Variants in MTMR4 observed in about 807,000 individuals in gnomAD.
The protein encoded by MTMR4 is myotubularin related protein 4.
MTMR4 carries 30 observed loss-of-function variants against 125.5 expected under a neutral mutation model. The observed-to-expected ratio is 0.24, with a 90% CI of 0.18 to 0.32. MTMR4 has a LOEUF of 0.32. MTMR4 is among the 10% of genes least tolerant of loss of function. The probability of loss-of-function intolerance (pLI) is 1.00; values close to 1 mark genes in which losing one functional copy is unlikely to be tolerated. For missense variants in MTMR4, 1,039 were observed against 1,511.5 expected (o/e 0.69, Z 5.18); for synonymous variants, 498 against 564.5 (o/e 0.88, Z 1.67).
rs1223197456 is a variant in MTMR4 at position 58,508,265 on chromosome 17, G to T, written c.603C>A (p.Pro201=). 6.2e-7 allele frequency: 1 copy of T among 1,613,982 alleles called. No individual in the cohort carries two copies. ...GAACCAGCAGCTTCTGGGGGTAACT[G>T]GGGCACAATCTGAGAAGAGACCAGG... ...SHINSNYKLC[P]SYPQKLLVPV... Residue 201 remains proline, a synonymous_variant, in exon 7 of 18, where the codon CCC becomes CCA. Transcript: ENST00000682306. This position sits in a 1 kb window ranked among gnomAD's most constrained non-coding sequence, Gnocchi z 4.8.
At position 58,512,363 on chromosome 17, in the gene MTMR4, G is replaced by A. The variant is rs757729833; in HGVS notation, c.252+27C>T. The A allele has an allele frequency of 2.1e-5, 32 of 1,528,294 alleles. 1 individual carries two copies. In the South Asian group the frequency reaches 3.6e-4, roughly 17 times the overall value. The allele number at this position is 1,528,294 out of a possible 1,614,324, so 94.7% of individuals were successfully genotyped here. A position where few individuals can be genotyped will look rare whatever the true frequency, so the allele number is the denominator to read the frequency against. On this transcript the variant is annotated intron_variant, in intron 3 of 17. Coordinates refer to ENST00000682306, the MANE Select transcript of MTMR4 (RefSeq NM_001378067.1). This position sits in a 1 kb window ranked among gnomAD's most constrained non-coding sequence, Gnocchi z 4.1. ...GAACTTCATAGGGATTCTAGCTTAG[G>A]GGTAGGAGAACAATACAGAAACTCA...
chr17:58,494,864 T>C (rs1975410848), intron 15 of MTMR4, 68 bp downstream of exon 15: 2 of 1,466,028 alleles, frequency 1.4e-6, no homozygotes, highest in South Asian at 2.5e-5. Context: ...AACGAATAAA[T>C]GCTGAATGGA....
At chr17:58,503,649 CA>C in intron 14 of MTMR4, 94 bp downstream of exon 14, 98 of 1,424,516 alleles carry the variant, frequency 6.9e-5, no homozygotes, top group Middle Eastern at 3.7e-4. Context: ...GATTCCGTCT[CA>C]AAAAAAAGAA....
In MTMR4 at chr17:58,504,395, C is replaced by G. The variant is rs925809763; in HGVS notation, c.1435G>C (p.Glu479Gln). The part of the protein sequence containing the change: ...GHQENVEDQN[E>Q]QCPVFLQWLD... ...CACTGGAGGAACACAGGGCATTGTT[C>G]GTTTTGGTCCTCCACATTCTCTTGG... Residue 479 changes from glutamate (E) to glutamine (Q), a missense_variant, in exon 12 of 18, where the codon GAA becomes CAA. By Grantham distance (29) the Glu-to-Gln change is conservative. Around this residue, in one of 6 missense-constraint regions of MTMR4, gnomAD observed 107 missense variants for 267.4 expected, o/e 0.40. Coordinates refer to ENST00000682306, the MANE Select transcript of MTMR4 (RefSeq NM_001378067.1). The surrounding 1 kb of genome is among the most constrained non-coding windows in gnomAD (Gnocchi z 7.1). The G allele has an allele frequency of 6.2e-7, 1 of 1,614,174 alleles. No individual in the cohort carries two copies. Among genetic ancestry groups the G allele is most frequent in the Non-Finnish European group, 8.5e-7 (1 of 1,180,030 alleles).
chr17:58,505,116 G>C (rs2240719), intron 10 of MTMR4, 142 bp from the exon 11 acceptor site: 148,111 of 752,082 alleles, frequency 0.2, 15,537 homozygotes, highest in Non-Finnish European at 0.21. Flanking sequence ...TTTTGGACAA[G>C]AGGTATCTAG....
In MTMR4 at chr17:58,492,900, T is replaced by G; in HGVS notation, c.3305A>C (p.His1102Pro). Reference sequence around the variant, plus strand: ...TGCTTCTGAAAGGCAGTCTTCACTGTGATCAGAGCCAAAATCCTCAGTATC... The same window carrying G: ...TGCTTCTGAAAGGCAGTCTTCACTGGGATCAGAGCCAAAATCCTCAGTATC... ...GSDTEDFGSDHSEDCLSEASW... is the reference protein window; with the variant it reads ...GSDTEDFGSDPSEDCLSEASW... The change falls in exon 16 of 18, where the codon CAC becomes CCC. Residue 1102 changes from histidine (H) to proline (P), a missense_variant. Around this residue, in one of 6 missense-constraint regions of MTMR4, gnomAD observed 619 missense variants for 714.5 expected, o/e 0.87. Transcript: ENST00000682306. 8.7e-6 allele frequency: 14 copies of G among 1,614,260 alleles called. No individual in the cohort carries two copies. The highest frequency in any genetic ancestry group is 1.2e-5 in the Non-Finnish European group (14 of 1,180,044).
intron 17 of MTMR4, 104 bp from the exon 18 acceptor site, chr17:58,491,944 T>C: frequency 9.5e-7 from 1 of 1,051,910 alleles, no homozygotes; most frequent in Non-Finnish European, 1.3e-6. Flanking sequence ...GCTGAGGCAG[T>C]AGAATCGCTT....
At position 58,491,897 on chromosome 17, in the gene MTMR4, A is replaced by G. The variant is rs2143831554; in HGVS notation, c.3453-57T>C. On this transcript the variant is annotated intron_variant, in intron 17 of 17. Coordinates refer to ENST00000682306, the MANE Select transcript of MTMR4 (RefSeq NM_001378067.1). ...AGAAATGCCAATATACTGGCCAGGCAGGGTGACTCACACCAGTAATCCCTG... is the reference window on the plus strand; with the variant it reads ...AGAAATGCCAATATACTGGCCAGGCGGGGTGACTCACACCAGTAATCCCTG... The G allele has an allele frequency of 3.9e-6, 6 of 1,545,584 alleles. 1 individual carries two copies. The South Asian group carries it at 6.0e-5, about 15-fold the overall frequency.
intron 15 of MTMR4, 123 bp from the exon 16 acceptor site, chr17:58,493,075 A>G (rs1410587269): frequency 2.9e-6 from 2 of 687,818 alleles, no homozygotes; most frequent in Admixed American, 5.1e-5. Context: ...CAGTCTTACA[A>G]TGTATACTAC....
In MTMR4 at chr17:58,495,294, C is replaced by A. The variant is rs1432519712; in HGVS notation, c.2890G>T (p.Gly964Trp). 1 of 1,614,106 alleles carries A rather than the reference C, an allele frequency of 6.2e-7. No individual in the cohort carries two copies. Among genetic ancestry groups the A allele is most frequent in the Non-Finnish European group, 8.5e-7 (1 of 1,180,052 alleles). ...CCTTCTCTCTGAGCCCACTGGCCCC[C>A]AAAGCAGGGCCCTGTGGCCCGCATC... ...KQMRATGPCFGGQWAQREGVK... is the reference protein window; with the variant it reads ...KQMRATGPCFWGQWAQREGVK... The change falls in exon 15 of 18, where the codon GGG (glycine) becomes TGG (tryptophan). Residue 964 changes from glycine (G) to tryptophan (W), a missense_variant. Physicochemically the swap from Gly to Trp is radical, Grantham distance 184. Coordinates refer to ENST00000682306, the MANE Select transcript of MTMR4 (RefSeq NM_001378067.1).
upstream of MTMR4, among the ~76,000 whole-genome samples, chr17:58,518,415 C>A (rs997253312): frequency 6.6e-6 from 1 of 152,224 alleles, no homozygotes; most frequent in Non-Finnish European, 1.5e-5. Flanking sequence ...GAAAAACCTG[C>A]AGGCTAAGAG....
rs1001197034 is a variant in MTMR4, at chr17:58,513,014, C to T, written c.46-73G>A. On this transcript the variant is annotated intron_variant, in intron 1 of 17. Coordinates refer to ENST00000682306, the MANE Select transcript of MTMR4 (RefSeq NM_001378067.1). ...CAGGCTCATTCTGCTCCTCTCCCCA[C>T]CAAGAAATCCACAGATACCCACACA... is the stretch of plus-strand genomic sequence containing the variant. The T allele has an allele frequency of 2.0e-5, 21 of 1,067,286 alleles. No individual in the cohort carries two copies. The African/African-American group carries it at 3.0e-4, about 15-fold the overall frequency. 66.1% of individuals were successfully genotyped at this position (1,067,286 alleles called of 1,614,324 possible).
chr17:58,508,549 C>G lies in MTMR4; in HGVS notation c.512G>C (p.Cys171Ser). The G allele has an allele frequency of 3.1e-6, 5 of 1,614,254 alleles. No homozygotes were observed. The highest frequency in any genetic ancestry group is 4.2e-6 in the Non-Finnish European group (5 of 1,180,052). Residue 171 changes from cysteine to serine, a missense_variant, in exon 6 of 18, where the codon TGT becomes TCT. By Grantham distance (112) the Cys-to-Ser change is moderately radical. Coordinates refer to ENST00000682306, the MANE Select transcript of MTMR4 (RefSeq NM_001378067.1). This position sits in a 1 kb window ranked among gnomAD's most constrained non-coding sequence, Gnocchi z 4.8. The stretch of plus-strand genomic sequence containing the variant: ...CCTTGCAAGCTCCGCCTCCTGTCGA[C>G]AACGTATGTGCTCACCTGCAACAGA... Reference protein sequence around the residue: ...HLCQPGEHIRCRQEAELARMG... With the variant: ...HLCQPGEHIRSRQEAELARMG...
intron 4 of MTMR4, 139 bp downstream of exon 4, chr17:58,511,290 G>C (rs905600325): frequency 1.7e-5 from 14 of 804,964 alleles, no homozygotes; most frequent in African/African-American, 3.5e-5. Flanking sequence ...TCCCAACCCA[G>C]AACATGGTCT....
rs1197211896 is a variant in MTMR4 at position 58,508,028 on chromosome 17, G to A, written c.707+133C>T. 1.6e-6 allele frequency: 1 copy of A among 634,262 alleles called. No individual in the cohort carries two copies. Among genetic ancestry groups the A allele is most frequent in the Non-Finnish European group, 2.7e-6 (1 of 366,228 alleles). 39.3% of individuals were successfully genotyped at this position (634,262 alleles called of 1,614,324 possible). On this transcript the variant is annotated intron_variant, in intron 7 of 17. Transcript: ENST00000682306. The surrounding 1 kb of genome is among the most constrained non-coding windows in gnomAD (Gnocchi z 4.8). Reference sequence around the variant, plus strand: ...AGGAGAAAAAACTAAGATAGTTTTTGTTTTAAAGTTATTTCATACTTCCCC... The same window carrying A: ...AGGAGAAAAAACTAAGATAGTTTTTATTTTAAAGTTATTTCATACTTCCCC...
chr17:58,507,214 T>C lies in MTMR4; in HGVS notation c.813A>G (p.Lys271=). Residue 271 remains lysine, a synonymous_variant, in exon 8 of 18, where the codon AAA becomes AAG. Transcript: ENST00000682306. ...DDEYLVTSIA[K]ACALDPGTRA... The stretch of plus-strand genomic sequence containing the variant: ...TTGTCCCCGGGTCCAGGGCACAGGC[T>C]TTAGCAATGGACGTGACCAGGTACT... 4 of 1,614,200 alleles carry C rather than the reference T, an allele frequency of 2.5e-6. No individual in the cohort carries two copies. The highest frequency in any genetic ancestry group is 3.4e-6 in the Non-Finnish European group (4 of 1,180,036).
At chr17:58,494,901 AATGGGTGT>A in intron 15 of MTMR4, 23 bp downstream of exon 15, 1 of 1,590,472 alleles carries the variant, frequency 6.3e-7, no homozygotes, top group East Asian at 2.2e-5. Flanking sequence ...CAGAGTAAAT[AATGGGTGT>A]ATGGCAGTTG....
rs1338828690 is a variant in MTMR4, at chr17:58,496,083, A to C, written c.2101T>G (p.Leu701Val). 2 of 1,614,178 alleles carry C rather than the reference A, an allele frequency of 1.2e-6. No homozygotes were observed. The highest frequency in any genetic ancestry group is 1.7e-6 in the Non-Finnish European group (2 of 1,180,026). Residue 701 changes from leucine (L) to valine (V), a missense_variant, in exon 15 of 18, where the codon TTG (leucine) becomes GTG (valine). Coordinates refer to ENST00000682306, the MANE Select transcript of MTMR4 (RefSeq NM_001378067.1). ...PPLPSSQKDY[L>V]SNKPFKSHKS... Reference sequence around the variant, plus strand: ...TGACTCTTGAAAGGTTTATTGCTCAAGTAGTCTTTCTGGCTGCTGGGCAGA... The same window carrying C: ...TGACTCTTGAAAGGTTTATTGCTCACGTAGTCTTTCTGGCTGCTGGGCAGA...
rs146803542 is a variant in MTMR4 at position 58,501,333 on chromosome 17, G to A, written c.1853+2411C>T. Among the ~76,000 whole-genome samples, 12 of 152,104 alleles carry A rather than the reference G, an allele frequency of 7.9e-5. No homozygotes were observed. The East Asian group carries it at 2.3e-3, about 29-fold the overall frequency. ...TAAGACTAACCTGGGCAACAGACCCGTCTCTACAAAAAATAAAAATTGGCA... is the reference window on the plus strand; with the variant it reads ...TAAGACTAACCTGGGCAACAGACCCATCTCTACAAAAAATAAAAATTGGCA... On this transcript the variant is annotated intron_variant, in intron 14 of 17. Coordinates refer to ENST00000682306, the MANE Select transcript of MTMR4 (RefSeq NM_001378067.1).
Sources: gnomAD v4.1 joint callset for allele counts (sites outside exome capture counted in the v4.1 genomes callset) on GRCh38, gnomAD v4.1.1 for gene constraint, gnomAD v4.1.1 regional missense constraint, Gnocchi (gnomAD v3.1) non-coding constraint, MANE v1.5 for transcripts, NCBI Gene and HGNC (gene_info 2026-07-23, HGNC 2026-07-21) for gene names.